KDM4C: variants seen among roughly 807,000 people sequenced by gnomAD.
KDM4C encodes the protein lysine demethylase 4C.
KDM4C carries 81 observed loss-of-function variants against 129.3 expected under a neutral mutation model. That is an observed-to-expected ratio of 0.63 (90% CI 0.52 to 0.75). The LOEUF (loss-of-function observed/expected upper bound fraction) is 0.75, where lower values mean the gene tolerates loss of function less well. Among genes scored for constraint, KDM4C ranks in the 30% least tolerant of loss-of-function variants. KDM4C has a pLI of 0.00. For synonymous variants in KDM4C, 573 were observed against 456.1 expected, an observed-to-expected ratio of 1.26 and a Z score of -3.26; for missense variants, 1,457 against 1,304.0, an observed-to-expected ratio of 1.12 and a Z score of -1.81.
chr9:6,949,181 C>T (rs1300800715), intron 8 of KDM4C, among the ~76,000 whole-genome samples: 9 of 148,382 alleles, frequency 6.1e-5, no homozygotes, highest in South Asian at 4.4e-4. Flanking sequence ...GGGTGGCTGC[C>T]GGGCGGAGGG....
intron 17 of KDM4C, among the ~76,000 whole-genome samples, chr9:7,057,345 T>C (rs1831002688): frequency 6.6e-6 from 1 of 152,268 alleles, no homozygotes; most frequent in African/African-American, 2.4e-5. Flanking sequence ...GCTGGATTTA[T>C]TGATCTCAAT....
chr9:6,901,383 A>G (rs1047224826), intron 8 of KDM4C, among the ~76,000 whole-genome samples: 12 of 152,146 alleles, frequency 7.9e-5, no homozygotes, highest in African/African-American at 2.9e-4. Context: ...CACATAAGGG[A>G]TTGTCAGATA....
intron 8 of KDM4C, among the ~76,000 whole-genome samples, chr9:6,917,391 A>G (rs1820516140): frequency 6.6e-6 from 1 of 152,062 alleles, no homozygotes; most frequent in Non-Finnish European, 1.5e-5. Flanking sequence ...ACTCACCTCA[A>G]CTTCTTACTT....
intron 20 of KDM4C, among the ~76,000 whole-genome samples, chr9:7,169,195 A>T (rs538856765): frequency 2.0e-5 from 3 of 151,660 alleles, no homozygotes; most frequent in South Asian, 4.1e-4. Context: ...CCACAGTCTC[A>T]TGTTTTGTGA....
intron 2 of KDM4C, among the ~76,000 whole-genome samples, chr9:6,802,779 G>A (rs1333156009): frequency 6.6e-6 from 1 of 152,194 alleles, no homozygotes; most frequent in African/African-American, 2.4e-5. Context: ...GCTAATTTTT[G>A]TATTTTTAGT....
chr9:7,145,514 C>G (rs969723620), intron 19 of KDM4C, among the ~76,000 whole-genome samples: 31 of 152,200 alleles, frequency 2.0e-4, no homozygotes, highest in African/African-American at 7.5e-4. Context: ...TCCCCCAACT[C>G]CTCCAGAACT....
rs183912766 is a variant in KDM4C at position 6,929,900 on chromosome 9, T to A, written c.921+36668T>A. Reference sequence around the variant, plus strand: ...TTTCTACAACCCTCTGCCAATTCTTTCTTTTATGGCTCATAAGAAGTCTCA... The same window carrying A: ...TTTCTACAACCCTCTGCCAATTCTTACTTTTATGGCTCATAAGAAGTCTCA... On this transcript the variant is annotated intron_variant, in intron 8 of 21. Transcript: ENST00000381309. Among the ~76,000 whole-genome samples, 420 of 152,338 alleles carry A rather than the reference T, an allele frequency of 2.8e-3. 6 individuals carry two copies. The highest frequency in any genetic ancestry group is 9.9e-3 in the African/African-American group (412 of 41,566).
chr9:7,042,628 T>C (rs1214201403), intron 15 of KDM4C, among the ~76,000 whole-genome samples: 1 of 152,070 alleles, frequency 6.6e-6, no homozygotes. Context: ...ACCAGTATCA[T>C]CTTCGTGGTT....
At chr9:6,782,430 C>G (rs1824557727) in intron 1 of KDM4C, among the ~76,000 whole-genome samples, 2 of 152,166 alleles carry the variant, frequency 1.3e-5, no homozygotes, top group Non-Finnish European at 2.9e-5. Flanking sequence ...GCATTTTATT[C>G]TCTGTCATTA....
At chr9:7,106,438 C>T (rs1026440393) in intron 18 of KDM4C, among the ~76,000 whole-genome samples, 6 of 152,202 alleles carry the variant, frequency 3.9e-5, no homozygotes, top group Admixed American at 3.9e-4. Context: ...GCTAACTTGG[C>T]AGCCTGGCCC....
At chr9:6,837,656 T>C (rs1387337859) in intron 4 of KDM4C, among the ~76,000 whole-genome samples, 1 of 152,220 alleles carries the variant, frequency 6.6e-6, no homozygotes, top group African/African-American at 2.4e-5. Context: ...CTTTATGAAC[T>C]GTCCTCTATT....
At chr9:7,046,740 G>C (rs1220637356) in intron 15 of KDM4C, 122 bp from the exon 16 acceptor site, 2 of 763,688 alleles carry the variant, frequency 2.6e-6, no homozygotes, top group Admixed American at 4.0e-5. Context: ...AGACCTTCAT[G>C]TAATTCCTGA....
intron 1 of KDM4C, among the ~76,000 whole-genome samples, chr9:6,766,559 C>G (rs887376736): frequency 1.3e-5 from 2 of 151,492 alleles, no homozygotes; most frequent in Admixed American, 6.6e-5. Flanking sequence ...TTCAGTCGAC[C>G]GAGAGTGTCA....
chr9:6,880,864 C>T (rs1418755632), intron 6 of KDM4C, among the ~76,000 whole-genome samples: 3 of 152,122 alleles, frequency 2.0e-5, no homozygotes, highest in Non-Finnish European at 4.4e-5. Context: ...GTCACATTCA[C>T]CCCCTGCCAT....
At position 6,758,196 on chromosome 9, in the gene KDM4C, C is replaced by G; in HGVS notation, c.-25C>G. 1.0e-6 allele frequency: 1 copy of G among 985,946 alleles called. No individual in the cohort carries two copies. The highest frequency in any genetic ancestry group is 1.2e-6 in the Non-Finnish European group (1 of 830,348). The allele number at this position is 985,946 out of a possible 1,614,324, so 61.1% of individuals were successfully genotyped here. A position where few individuals can be genotyped will look rare whatever the true frequency, so the allele number is the denominator to read the frequency against. On this transcript the variant is annotated 5_prime_UTR_variant, in exon 1 of 22. Transcript: ENST00000381309. This position sits in a 1 kb window ranked among gnomAD's most constrained non-coding sequence, Gnocchi z 4.6. ...CGAGTCGTGCTCTCGCCCCAACCCG[C>G]GCGCCAGGTAACCGCTTTTCCGGAG...
intron 1 of KDM4C, among the ~76,000 whole-genome samples, chr9:6,739,630 T>C (rs1214148353): frequency 6.8e-6 from 1 of 147,100 alleles, no homozygotes; most frequent in Non-Finnish European, 1.5e-5. Context: ...ATATGCAGGG[T>C]AGATTTTTTT....
intron 11 of KDM4C, among the ~76,000 whole-genome samples, chr9:6,989,368 A>T (rs570196152): frequency 6.6e-6 from 1 of 152,150 alleles, no homozygotes; most frequent in Non-Finnish European, 1.5e-5. Context: ...ACTCTCTCTG[A>T]TATCCTCTTT....
intron 12 of KDM4C, among the ~76,000 whole-genome samples, chr9:6,993,272 A>G (rs1175692264): frequency 6.6e-6 from 1 of 152,204 alleles, no homozygotes; most frequent in East Asian, 1.9e-4. Context: ...GGTGAAAAAT[A>G]ATGTTAAATA....
intron 19 of KDM4C, among the ~76,000 whole-genome samples, chr9:7,152,826 G>A (rs970593018): frequency 1.3e-5 from 2 of 152,206 alleles, no homozygotes; most frequent in Non-Finnish European, 2.9e-5. Context: ...CAGATCAGCT[G>A]TATTCTAACA....
Sources: allele counts gnomAD v4.1 joint callset (sites outside exome capture counted in the v4.1 genomes callset), GRCh38; gene constraint gnomAD v4.1.1; non-coding constraint Gnocchi (gnomAD v3.1); transcripts MANE v1.5; gene names NCBI Gene and HGNC (gene_info 2026-07-23, HGNC 2026-07-21).